GNAT3: variants seen among roughly 807,000 people sequenced by gnomAD.
The protein encoded by GNAT3 is guanine nucleotide-binding protein G(t) subunit alpha-3.
GNAT3 carries 31 observed loss-of-function variants against 37.7 expected under a neutral mutation model. That is an observed-to-expected ratio of 0.82 (90% CI 0.62 to 1.11). The LOEUF (loss-of-function observed/expected upper bound fraction) is 1.11, where lower values mean the gene tolerates loss of function less well. Ranked by LOEUF, GNAT3 falls within the 50% of genes most tolerant of loss-of-function variation. The pLI is 0.00. For synonymous variants in GNAT3, 138 were observed against 139.8 expected (o/e 0.99, Z 0.09); for missense variants, 437 against 412.5 (o/e 1.06, Z -0.51).
intron 7 of GNAT3, among the ~76,000 whole-genome samples, chr7:80,461,815 A>G (rs1047660675): frequency 2.6e-5 from 4 of 152,184 alleles, no homozygotes; most frequent in South Asian, 2.1e-4. Context: ...ACAAGGTTTC[A>G]GTAGGAGATA....
rs140906483 is a variant in GNAT3 at position 80,497,589 on chromosome 7, T to C, written c.119-2942A>G. The stretch of plus-strand genomic sequence containing the variant: ...ACGTATATACATATACGTATATACA[T>C]ATACGTATATACATATACGTATATA... On this transcript the variant is annotated intron_variant, in intron 1 of 7. Transcript: ENST00000398291. Among the ~76,000 whole-genome samples the C allele has an allele frequency of 4.6e-3, 629 of 135,696 alleles. 33 individuals are homozygous for C. Among genetic ancestry groups the C allele is most frequent in the African/African-American group, 0.018 (578 of 32,688 alleles). 89.0% of individuals were successfully genotyped at this position (135,696 alleles called of 152,430 possible).
At chr7:80,464,722 T>C (rs1790104448) in intron 5 of GNAT3, among the ~76,000 whole-genome samples, 1 of 152,088 alleles carries the variant, frequency 6.6e-6, no homozygotes, top group African/African-American at 2.4e-5. Flanking sequence ...GTAATAAATG[T>C]CTACCGATCT....
At chr7:80,476,055 G>A (rs945118426) in intron 4 of GNAT3, among the ~76,000 whole-genome samples, 6 of 151,602 alleles carry the variant, frequency 4.0e-5, no homozygotes, top group African/African-American at 1.5e-4. Flanking sequence ...GTGTGTTGTT[G>A]GTCAGTTAGT....
intron 4 of GNAT3, among the ~76,000 whole-genome samples, chr7:80,477,648 A>C (rs1790328980): frequency 6.6e-6 from 1 of 152,154 alleles, no homozygotes; most frequent in South Asian, 2.1e-4. Flanking sequence ...AGTGTCATGC[A>C]AGCTTCATTG....
At chr7:80,480,272 A>G (rs1403167369) in intron 3 of GNAT3, among the ~76,000 whole-genome samples, 1 of 152,182 alleles carries the variant, frequency 6.6e-6, no homozygotes, top group African/African-American at 2.4e-5. Flanking sequence ...GCAATATCAC[A>G]CATAATCCTC....
At position 80,497,671 on chromosome 7, in the gene GNAT3, C is replaced by CATATATATGTAT. The variant is rs374712253; in HGVS notation, c.119-3025_119-3024insATACATATATAT. The stretch of plus-strand genomic sequence containing the variant: ...ATACGTATATACATATACGTATATA[C>CATATATATGTAT]ATACATATATACACACACACTGTCT... On this transcript the variant is annotated intron_variant, in intron 1 of 7. Transcript: ENST00000398291. Among the ~76,000 whole-genome samples, 6 of 91,138 alleles carry CATATATATGTAT rather than the reference C, an allele frequency of 6.6e-5. 1 individual carries two copies. The highest frequency in any genetic ancestry group is 6.4e-4 in the African/African-American group (6 of 9,342). 59.8% of individuals were successfully genotyped at this position (91,138 alleles called of 152,430 possible). A position where few individuals can be genotyped will look rare whatever the true frequency, so the allele number is the denominator to read the frequency against.
At chr7:80,485,017 T>G (rs1451103696) in intron 3 of GNAT3, among the ~76,000 whole-genome samples, 1 of 152,154 alleles carries the variant, frequency 6.6e-6, no homozygotes, top group African/African-American at 2.4e-5. Context: ...AATAGTTTCC[T>G]TTCTTGACCT....
At chr7:80,463,570 T>A (rs1790087155) in intron 5 of GNAT3, among the ~76,000 whole-genome samples, 1 of 151,886 alleles carries the variant, frequency 6.6e-6, no homozygotes, top group African/African-American at 2.4e-5. Flanking sequence ...AAATTACACC[T>A]CTCTCCACCC....
intron 3 of GNAT3, among the ~76,000 whole-genome samples, 163 bp downstream of exon 3, chr7:80,488,372 G>A (rs893629347): frequency 2.0e-5 from 3 of 151,996 alleles, no homozygotes; most frequent in Non-Finnish European, 2.9e-5. Flanking sequence ...TCACTTCAAG[G>A]AAAATAAGAA....
chr7:80,480,586 C>A (rs1194498135), intron 3 of GNAT3, among the ~76,000 whole-genome samples: 1 of 151,964 alleles, frequency 6.6e-6, no homozygotes, highest in Non-Finnish European at 1.5e-5. Context: ...ACAGAGCAGC[C>A]CCGAGGGCTG....
chr7:80,462,244 G>A lies in GNAT3; in HGVS notation c.789C>T (p.Ser263=), dbSNP rs760278104. ...ICNHKYFSTT[S]IVLFLNKKDI... Reference sequence around the variant, plus strand: ...CTTTTTTGTTGAGGAACAGGACAATGGAGGTTGTTGAAAAATACTTGTGAT... The same window carrying A: ...CTTTTTTGTTGAGGAACAGGACAATAGAGGTTGTTGAAAAATACTTGTGAT... The change falls in exon 7 of 8, where the codon TCC becomes TCT. Residue 263 remains serine (S), a synonymous_variant. Coordinates refer to ENST00000398291, the MANE Select transcript of GNAT3 (RefSeq NM_001102386.3). 1 of 1,611,364 alleles carries A rather than the reference G, an allele frequency of 6.2e-7. No individual in the cohort carries two copies. Among genetic ancestry groups the A allele is most frequent in the East Asian group, 2.2e-5 (1 of 44,822 alleles).
intron 2 of GNAT3, among the ~76,000 whole-genome samples, chr7:80,490,347 A>G (rs1363873434): frequency 6.6e-6 from 1 of 152,170 alleles, no homozygotes; most frequent in Non-Finnish European, 1.5e-5. Context: ...GAACTTTCCT[A>G]TCATCCCACA....
Position 80,474,319 on chromosome 7 carries a change from A to T in GNAT3, c.522T>A (p.Val174=), listed in dbSNP as rs776745929. The change falls in exon 5 of 8, where the codon GTT becomes GTA. Residue 174 remains valine, a synonymous_variant. Transcript: ENST00000398291. ...CAGTCGTTTTCACTCGAGAATGGAG[A>T]ACATCTTGTTCATTTGGCACATACC... ...ASGYVPNEQD[V]LHSRVKTTGI... 2 of 1,576,530 alleles carry T rather than the reference A, an allele frequency of 1.3e-6. No individual in the cohort carries two copies. Among genetic ancestry groups the T allele is most frequent in the East Asian group, 2.3e-5 (1 of 43,732 alleles).
At chr7:80,480,444 G>C (rs1015519006) in intron 3 of GNAT3, among the ~76,000 whole-genome samples, 9 of 152,082 alleles carry the variant, frequency 5.9e-5, no homozygotes, top group African/African-American at 2.2e-4. Flanking sequence ...TTACAGGAAA[G>C]GGGTCCCAAT....
intron 1 of GNAT3, among the ~76,000 whole-genome samples, chr7:80,497,637 TATATAC>T (rs1227623671): frequency 2.3e-4 from 27 of 116,732 alleles, no homozygotes; most frequent in African/African-American, 1.0e-3. Flanking sequence ...TACATATACG[TATATAC>T]ATATACGTAT....
chr7:80,504,941 G>A (rs2116229008), intron 1 of GNAT3, among the ~76,000 whole-genome samples: 1 of 152,260 alleles, frequency 6.6e-6, no homozygotes, highest in East Asian at 1.9e-4. Context: ...AATAATTATT[G>A]GCCCAGCTAA....
chr7:80,488,571 A>T lies in GNAT3; in HGVS notation c.267T>A (p.Thr89=), dbSNP rs768707957. 6.2e-7 allele frequency: 1 copy of T among 1,601,144 alleles called. No individual in the cohort carries two copies. Among genetic ancestry groups the T allele is most frequent in the South Asian group, 1.1e-5 (1 of 88,902 alleles). ...QSILAIVKAM[T]TLGIDYVNPR... is the part of the protein sequence containing the mutation. Reference sequence around the variant, plus strand: ...GATTTACATAATCAATTCCAAGGGTAGTCATGGCTTTCACAATAGCTAGGA... The same window carrying T: ...GATTTACATAATCAATTCCAAGGGTTGTCATGGCTTTCACAATAGCTAGGA... Residue 89 remains threonine (T), a synonymous_variant, in exon 3 of 8, where the codon ACT becomes ACA. Coordinates refer to ENST00000398291, the MANE Select transcript of GNAT3 (RefSeq NM_001102386.3).
At chr7:80,491,346 C>T (rs1157755892) in intron 2 of GNAT3, among the ~76,000 whole-genome samples, 2 of 152,158 alleles carry the variant, frequency 1.3e-5, no homozygotes, top group African/African-American at 4.8e-5. Context: ...TGGACCTAGC[C>T]AGAGAATATA....
At position 80,493,135 on chromosome 7, in the gene GNAT3, T is replaced by C. The variant is rs1289072916; in HGVS notation, c.161+1470A>G. ...GGTTTACTATATTTAAAAGTTTTAT[T>C]TTTTACGCAGCCAAATAATTGGTCT... On this transcript the variant is annotated intron_variant, in intron 2 of 7. Coordinates refer to ENST00000398291, the MANE Select transcript of GNAT3 (RefSeq NM_001102386.3). 2.6e-5 allele frequency among the ~76,000 whole-genome samples: 4 copies of C among 152,104 alleles called. No individual in the cohort carries two copies. The East Asian group carries it at 7.7e-4, about 29-fold the overall frequency.
Sources: allele counts gnomAD v4.1 joint callset (sites outside exome capture counted in the v4.1 genomes callset), GRCh38; gene constraint gnomAD v4.1.1; transcripts MANE v1.5; gene names NCBI Gene and HGNC (gene_info 2026-07-23, HGNC 2026-07-21).